EPHA6: variants seen among roughly 807,000 people sequenced by gnomAD.
EPHA6 encodes the protein EPH receptor A6.
Under a neutral mutation model 112.0 loss-of-function variants are expected in EPHA6, and 50 were observed. The ratio of observed to expected loss-of-function variants is 0.45; its 90% confidence interval spans 0.36 to 0.56. EPHA6 has a LOEUF of 0.56. Among genes scored for constraint, EPHA6 ranks in the 20% least tolerant of loss-of-function variants. The pLI is 0.00. For missense variants in EPHA6, 1,280 were observed against 1,417.4 expected, an observed-to-expected ratio of 0.90 and a Z score of 1.56; for synonymous variants, 529 against 490.7, an observed-to-expected ratio of 1.08 and a Z score of -1.03.
chr3:97,538,638 A>C (rs936443465), intron 11 of EPHA6, among the ~76,000 whole-genome samples: 1 of 152,186 alleles, frequency 6.6e-6, no homozygotes, highest in Non-Finnish European at 1.5e-5. Context: ...GTGTATGAAA[A>C]AGACAGAGGA....
chr3:97,142,976 G>C (rs2075950961), intron 3 of EPHA6, among the ~76,000 whole-genome samples: 1 of 151,792 alleles, frequency 6.6e-6, no homozygotes, highest in Non-Finnish European at 1.5e-5. Context: ...TGGATTCCTA[G>C]CCAGAGAAGT....
chr3:97,182,954 T>C (rs1313481713), intron 3 of EPHA6, among the ~76,000 whole-genome samples: 1 of 152,034 alleles, frequency 6.6e-6, no homozygotes, highest in African/African-American at 2.4e-5. Flanking sequence ...CCTGGCCAAT[T>C]TCTTCTTTGT....
chr3:97,629,694 G>A (rs2093887520), intron 13 of EPHA6, among the ~76,000 whole-genome samples: 1 of 151,764 alleles, frequency 6.6e-6, no homozygotes, highest in East Asian at 1.9e-4. Flanking sequence ...ATGAGATATT[G>A]GATTTACAGA....
At chr3:96,918,995 A>T (rs1213853063) in intron 2 of EPHA6, among the ~76,000 whole-genome samples, 1 of 152,012 alleles carries the variant, frequency 6.6e-6, no homozygotes, top group Admixed American at 6.6e-5. Flanking sequence ...ATCTTAAATC[A>T]TAATTGAGTA....
At chr3:97,137,979 C>T (rs1199080739) in intron 3 of EPHA6, among the ~76,000 whole-genome samples, 1 of 152,148 alleles carries the variant, frequency 6.6e-6, no homozygotes, top group Non-Finnish European at 1.5e-5. Context: ...CATAAATCTA[C>T]ACAATCAAAT....
intron 5 of EPHA6, among the ~76,000 whole-genome samples, chr3:97,365,681 C>T (rs768634835): frequency 6.6e-6 from 1 of 152,178 alleles, no homozygotes; most frequent in African/African-American, 2.4e-5. Context: ...AGCCACCGTG[C>T]CCAGCCAGGA....
chr3:97,733,221 T>C (rs2035114325), intron 15 of EPHA6, among the ~76,000 whole-genome samples: 1 of 152,034 alleles, frequency 6.6e-6, no homozygotes, highest in Non-Finnish European at 1.5e-5. Flanking sequence ...TGGAAAATAG[T>C]AACCCTGTGG....
At chr3:97,341,516 G>A (rs1315519725) in intron 5 of EPHA6, among the ~76,000 whole-genome samples, 1 of 151,890 alleles carries the variant, frequency 6.6e-6, no homozygotes, top group Non-Finnish European at 1.5e-5. Flanking sequence ...CACCACGCCT[G>A]GCTAATTTTT....
intron 3 of EPHA6, among the ~76,000 whole-genome samples, chr3:97,225,279 C>T (rs2078322380): frequency 6.6e-6 from 1 of 152,086 alleles, no homozygotes; most frequent in African/African-American, 2.4e-5. Flanking sequence ...ATTAACAGAC[C>T]TATCCTGTCG....
At chr3:97,567,498 A>C (rs1408145245) in intron 11 of EPHA6, among the ~76,000 whole-genome samples, 2 of 152,218 alleles carry the variant, frequency 1.3e-5, no homozygotes, top group Admixed American at 6.5e-5. Flanking sequence ...TTATGGATTT[A>C]ATTGTGTGCC....
At chr3:96,945,937 A>G (rs1210858727) in intron 2 of EPHA6, among the ~76,000 whole-genome samples, 2 of 152,136 alleles carry the variant, frequency 1.3e-5, no homozygotes, top group African/African-American at 4.8e-5. Context: ...CTACCATTAT[A>G]GTATCATACA....
chr3:97,572,204 G>T (rs2093340730), intron 11 of EPHA6, among the ~76,000 whole-genome samples: 1 of 142,468 alleles, frequency 7.0e-6, no homozygotes, highest in Non-Finnish European at 1.5e-5. Context: ...AGGCTGGAGT[G>T]CAATGGCACT....
intron 5 of EPHA6, among the ~76,000 whole-genome samples, chr3:97,319,492 A>C (rs1379558275): frequency 6.6e-6 from 1 of 151,510 alleles, no homozygotes; most frequent in Non-Finnish European, 1.5e-5. Flanking sequence ...ACATGGTGAA[A>C]ACCCATCTCT....
At chr3:97,716,648 T>A (rs1255268481) in intron 14 of EPHA6, among the ~76,000 whole-genome samples, 5 of 150,916 alleles carry the variant, frequency 3.3e-5, no homozygotes, top group Non-Finnish European at 7.4e-5. Context: ...GAACGGAGAC[T>A]ATGCAGTGCC....
intron 3 of EPHA6, among the ~76,000 whole-genome samples, chr3:97,211,684 C>G (rs978597526): frequency 2.0e-5 from 3 of 152,148 alleles, no homozygotes; most frequent in Admixed American, 6.5e-5. Flanking sequence ...AATATGATTG[C>G]ATTGGGGATT....
intron 10 of EPHA6, among the ~76,000 whole-genome samples, chr3:97,500,296 A>G (rs889533761): frequency 6.6e-6 from 1 of 151,920 alleles, no homozygotes; most frequent in Non-Finnish European, 1.5e-5. Context: ...TTTTTTTTAA[A>G]AAAAGAGGTT....
At chr3:97,190,943 A>G (rs1162038416) in intron 3 of EPHA6, among the ~76,000 whole-genome samples, 1 of 152,140 alleles carries the variant, frequency 6.6e-6, no homozygotes, top group Non-Finnish European at 1.5e-5. Flanking sequence ...GAGAATAATT[A>G]TTATAGTTAC....
Position 97,748,615 on chromosome 3 carries a change from A to G in EPHA6, c.3307A>G (p.Ile1103Val). 1 of 1,610,010 alleles carries G rather than the reference A, an allele frequency of 6.2e-7. No homozygotes were observed. The highest frequency in any genetic ancestry group is 8.5e-7 in the Non-Finnish European group (1 of 1,176,772). Residue 1103 changes from isoleucine to valine, a missense_variant, in exon 18 of 18, where the codon ATT becomes GTT. By Grantham distance (29) the Ile-to-Val change is conservative. Transcript: ENST00000389672. The stretch of plus-strand genomic sequence containing the variant: ...CATTAGAAGAATTGGAGTCATACTT[A>G]TTGGACACCAGAGACGAATAGTCAG... ...DDIRRIGVIL[I>V]GHQRRIVSSI... is the part of the protein sequence containing the mutation.
intron 14 of EPHA6, among the ~76,000 whole-genome samples, chr3:97,658,593 AT>A (rs2094150689): frequency 6.6e-6 from 1 of 151,910 alleles, no homozygotes; most frequent in East Asian, 1.9e-4. Context: ...CTTGGAAACG[AT>A]TAGGTTTTGC....
Sources: gnomAD v4.1 joint callset for allele counts (sites outside exome capture counted in the v4.1 genomes callset) on GRCh38, gnomAD v4.1.1 for gene constraint, MANE v1.5 for transcripts, NCBI Gene and HGNC (gene_info 2026-07-23, HGNC 2026-07-21) for gene names.